Variants in EPHA2 observed in about 807,000 individuals in gnomAD.
The protein encoded by EPHA2 is EPH receptor A2.
EPHA2 carries 54 observed loss-of-function variants against 104.9 expected under a neutral mutation model. That is an observed-to-expected ratio of 0.51 (90% confidence interval 0.41 to 0.65). The LOEUF is 0.65. Ranked by LOEUF, EPHA2 falls within the 30% of genes least tolerant of loss-of-function variation. The probability of loss-of-function intolerance (pLI) is 0.00; values close to 1 mark genes in which losing one functional copy is unlikely to be tolerated. For synonymous variants in EPHA2, 560 were observed against 559.1 expected (o/e 1.00, Z -0.02); for missense variants, 1,117 against 1,369.5 (o/e 0.82, Z 2.91).
chr1:16,148,720 C>CGTGGCGTGCCTTT lies in EPHA2; in HGVS notation c.480_481insAAAGGCACGCCAC (p.Val161LysfsTer57). On this transcript the variant is annotated frameshift_variant, in exon 3 of 17. Transcript: ENST00000358432. LOFTEE classifies it high-confidence loss of function. The surrounding 1 kb of genome is among the most constrained non-coding windows in gnomAD (Gnocchi z 4.9). ...GAGCGCTCCTCCACGTTCAGCTTCA[C>CGTGGCGTGCCTTT]GTGGCGTGCCTCGAAGTCGCTGCTG... is the stretch of plus-strand genomic sequence containing the variant. The CGTGGCGTGCCTTT allele has an allele frequency of 6.2e-7, 1 of 1,613,592 alleles. No individual in the cohort carries two copies. The highest frequency in any genetic ancestry group is 8.5e-7 in the Non-Finnish European group (1 of 1,180,052).
rs1320592664 is a variant in EPHA2 at position 16,149,041 on chromosome 1, G to C, written c.160C>G (p.Leu54Val). ...LTHPYGKGWD[L>V]MQNIMNDMPI... ...ATGTCATTCATGATGTTCTGCATCA[G>C]GTCCCACTGTGGGGGGAAGATACAG... Residue 54 changes from leucine to valine, a missense_variant, in exon 3 of 17, where the codon CTG becomes GTG. By Grantham distance (32) the Leu-to-Val change is conservative. Around this residue, in one of 3 missense-constraint regions of EPHA2, gnomAD observed 664 missense variants for 784.8 expected, o/e 0.85. Coordinates refer to ENST00000358432, the MANE Select transcript of EPHA2 (RefSeq NM_004431.5). 14 of 1,612,946 alleles carry C rather than the reference G, an allele frequency of 8.7e-6. No individual in the cohort carries two copies. The highest frequency in any genetic ancestry group is 1.1e-5 in the Non-Finnish European group (13 of 1,180,036).
chr1:16,133,098 T>C, intron 11 of EPHA2, 82 bp downstream of exon 11: 1 of 1,575,110 alleles, frequency 6.3e-7, no homozygotes, highest in African/African-American at 1.4e-5. Context: ...GGCACAGGTA[T>C]AGGGGAGGTG....
In EPHA2 at chr1:16,154,163, G is replaced by A. The variant is rs772624957; in HGVS notation, c.85+1685C>T. Among the ~76,000 whole-genome samples, 39 of 152,080 alleles carry A rather than the reference G, an allele frequency of 2.6e-4. 1 individual carries two copies. Among genetic ancestry groups the A allele is most frequent in the South Asian group, 6.2e-4 (3 of 4,836 alleles). ...ATCCCCCACCCCCCCATGGGCAGCC[G>A]AGGAGAAAGGCCTATAGTGATTCCA... On this transcript the variant is annotated intron_variant, in intron 1 of 16. Coordinates refer to ENST00000358432, the MANE Select transcript of EPHA2 (RefSeq NM_004431.5).
chr1:16,148,339 G>C lies in EPHA2; in HGVS notation c.823+39C>G, dbSNP rs758773511. ...AAGCTAAAGACCAGAACCTGGGAAT[G>C]CAGAACCCCCTTCCCTGCAACCCAG... is the stretch of plus-strand genomic sequence containing the variant. On this transcript the variant is annotated intron_variant, in intron 3 of 16. Coordinates refer to ENST00000358432, the MANE Select transcript of EPHA2 (RefSeq NM_004431.5). This position sits in a 1 kb window ranked among gnomAD's most constrained non-coding sequence, Gnocchi z 4.9. 1.9e-6 allele frequency: 3 copies of C among 1,584,516 alleles called. No individual in the cohort carries two copies. In the African/African-American group the frequency reaches 4.6e-5, roughly 24 times the overall value.
intron 3 of EPHA2, among the ~76,000 whole-genome samples, chr1:16,143,077 G>GTGGA (rs1258389865): frequency 2.1e-5 from 3 of 143,288 alleles, no homozygotes; most frequent in Admixed American, 1.4e-4. Context: ...GGGGGTATGA[G>GTGGA]TGGATGGATG....
Position 16,156,039 on chromosome 1 carries a change from A to G in EPHA2, c.-107T>C. On this transcript the variant is annotated 5_prime_UTR_variant, in exon 1 of 17. Coordinates refer to ENST00000358432, the MANE Select transcript of EPHA2 (RefSeq NM_004431.5). ...GCTCCCGCCCGCCGGCCTGCGCGCA[A>G]CTTCTGCCCCTCCTGCCCCGAGTCC... The G allele has an allele frequency of 1.1e-6, 1 of 942,766 alleles. No homozygotes were observed. Among genetic ancestry groups the G allele is most frequent in the South Asian group, 2.1e-5 (1 of 48,684 alleles). The allele number at this position is 942,766 out of a possible 1,614,324, so 58.4% of individuals were successfully genotyped here.
At position 16,148,359 on chromosome 1, in the gene EPHA2, A is replaced by C. The variant is rs1387329057; in HGVS notation, c.823+19T>G. 1.9e-6 allele frequency: 3 copies of C among 1,613,212 alleles called. No homozygotes were observed. The South Asian group carries it at 3.3e-5, about 18-fold the overall frequency. Reference sequence around the variant, plus strand: ...GGAATGCAGAACCCCCTTCCCTGCAACCCAGAACCGTCACTCACCCTGGCA... The same window carrying C: ...GGAATGCAGAACCCCCTTCCCTGCACCCCAGAACCGTCACTCACCCTGGCA... On this transcript the variant is annotated intron_variant, in intron 3 of 16. Transcript: ENST00000358432. The surrounding 1 kb of genome is among the most constrained non-coding windows in gnomAD (Gnocchi z 4.9).
At chr1:16,142,383 CT>C (rs1249204581) in intron 3 of EPHA2, among the ~76,000 whole-genome samples, 2 of 152,216 alleles carry the variant, frequency 1.3e-5, no homozygotes, top group East Asian at 3.8e-4. Flanking sequence ...GTATCAGGAG[CT>C]TCCGTGAGAC....
At chr1:16,129,327 A>G (rs901190186) in intron 16 of EPHA2, 107 bp downstream of exon 16, 10 of 1,359,426 alleles carry the variant, frequency 7.4e-6, no homozygotes, top group African/African-American at 1.4e-5. Flanking sequence ...GAGAAAGAAC[A>G]AAGAGAGGAG....
In EPHA2 at chr1:16,134,692, G is replaced by T; in HGVS notation, c.1583-125C>A. The T allele has an allele frequency of 1.9e-6, 2 of 1,044,456 alleles. No individual in the cohort carries two copies. The highest frequency in any genetic ancestry group is 5.2e-5 in the East Asian group (2 of 38,634). The allele number at this position is 1,044,456 out of a possible 1,614,324, so 64.7% of individuals were successfully genotyped here. On this transcript the variant is annotated intron_variant, in intron 7 of 16. Coordinates refer to ENST00000358432, the MANE Select transcript of EPHA2 (RefSeq NM_004431.5). The surrounding 1 kb of genome is among the most constrained non-coding windows in gnomAD (Gnocchi z 4.5). ...TGCTTGCACTTGGGAAGGCTCCAGA[G>T]GGTACTTAGTCCCATTTCATAGACG...
chr1:16,132,278 C>G lies in EPHA2; in HGVS notation c.2116-5G>C, dbSNP rs372553014. 2.3e-5 allele frequency: 37 copies of G among 1,613,934 alleles called. No homozygotes were observed. The highest frequency in any genetic ancestry group is 8.5e-6 in the Non-Finnish European group (10 of 1,180,024). ...GCTGAACTCGCCATCCTTCTCCTGC[C>G]GGAGCACAGGCGCTCAGCTGCAGGC... On this transcript the variant is annotated splice_region_variant and splice_polypyrimidine_tract_variant and intron_variant, in intron 12 of 16. Coordinates refer to ENST00000358432, the MANE Select transcript of EPHA2 (RefSeq NM_004431.5).
At position 16,129,578 on chromosome 1, in the gene EPHA2, C is replaced by T. The variant is rs771918606; in HGVS notation, c.2681G>A (p.Arg894Gln). 42 of 1,610,610 alleles carry T rather than the reference C, an allele frequency of 2.6e-5. No individual in the cohort carries two copies. The highest frequency in any genetic ancestry group is 3.3e-5 in the Non-Finnish European group (39 of 1,179,578). Reference protein sequence around the residue: ...LADFDPRVSIRLPSTSGSEGV... With the variant: ...LADFDPRVSIQLPSTSGSEGV... Reference sequence around the variant, plus strand: ...CTCCGAGCCGCTCGTGCTGGGGAGCCGGATAGACACGCTGCAACAGGAAGC... The same window carrying T: ...CTCCGAGCCGCTCGTGCTGGGGAGCTGGATAGACACGCTGCAACAGGAAGC... The change falls in exon 16 of 17, where the codon CGG (arginine) becomes CAG (glutamine). Residue 894 changes from arginine (R) to glutamine (Q), a missense_variant. Arg to Gln is a conservative substitution (Grantham distance 43). Coordinates refer to ENST00000358432, the MANE Select transcript of EPHA2 (RefSeq NM_004431.5).
rs901179325 is a variant in EPHA2 at position 16,125,338 on chromosome 1, G to A, written c.2826-18C>T. Reference sequence around the variant, plus strand: ...TGATGTCGCTGTGGGCCGGGAGGGAGAGAGGGAGAGTTAGGGGCTGGAGCA... The same window carrying A: ...TGATGTCGCTGTGGGCCGGGAGGGAAAGAGGGAGAGTTAGGGGCTGGAGCA... On this transcript the variant is annotated intron_variant, in intron 16 of 16. Coordinates refer to ENST00000358432, the MANE Select transcript of EPHA2 (RefSeq NM_004431.5). This position sits in a 1 kb window ranked among gnomAD's most constrained non-coding sequence, Gnocchi z 4.9. 7.5e-6 allele frequency: 11 copies of A among 1,466,872 alleles called. No individual in the cohort carries two copies. Among genetic ancestry groups the A allele is most frequent in the Non-Finnish European group, 1.0e-5 (11 of 1,080,508 alleles). 90.9% of individuals were successfully genotyped at this position (1,466,872 alleles called of 1,614,324 possible).
intron 5 of EPHA2, among the ~76,000 whole-genome samples, chr1:16,137,203 G>C (rs575078602): frequency 6.6e-6 from 1 of 152,214 alleles, no homozygotes; most frequent in Non-Finnish European, 1.5e-5. Flanking sequence ...CTCTGGAGCA[G>C]GAGTGTCCAA....
intron 1 of EPHA2, chr1:16,155,228 C>G (rs2025131107): frequency 6.6e-6 from 1 of 152,324 alleles, no homozygotes; most frequent in Non-Finnish European, 1.5e-5. Flanking sequence ...CTCGCGGCCC[C>G]TAACCTGCCC....
chr1:16,127,820 G>GCA (rs147882457), intron 16 of EPHA2, among the ~76,000 whole-genome samples: 3 of 152,168 alleles, frequency 2.0e-5, no homozygotes, highest in South Asian at 2.1e-4. Flanking sequence ...GCACTGCAGC[G>GCA]CACACACACA....
rs2024559665 is a variant in EPHA2 at position 16,130,905 on chromosome 1, C to CTT, written c.2476-487_2476-486insAA. Among the ~76,000 whole-genome samples, 1 of 152,174 alleles carries CTT rather than the reference C, an allele frequency of 6.6e-6. No homozygotes were observed. The highest frequency in any genetic ancestry group is 2.1e-4 in the South Asian group (1 of 4,834). On this transcript the variant is annotated intron_variant, in intron 14 of 16. Coordinates refer to ENST00000358432, the MANE Select transcript of EPHA2 (RefSeq NM_004431.5). The surrounding 1 kb of genome is among the most constrained non-coding windows in gnomAD (Gnocchi z 4.5). ...TCAGCCTCCCAAAGTGCTAGGATTA[C>CTT]AGGCATGCGCCATTGCTCCCAGCTA...
intron 12 of EPHA2, 36 bp downstream of exon 12, chr1:16,132,342 C>A: frequency 6.2e-7 from 1 of 1,614,140 alleles, no homozygotes; most frequent in Admixed American, 1.7e-5. Context: ...GGCTCAATGG[C>A]CAGGCATCCC....
At position 16,148,260 on chromosome 1, in the gene EPHA2, CAG is replaced by C. The variant is rs2024968287; in HGVS notation, c.823+116_823+117del. On this transcript the variant is annotated intron_variant, in intron 3 of 16. Transcript: ENST00000358432. This position sits in a 1 kb window ranked among gnomAD's most constrained non-coding sequence, Gnocchi z 4.9. Reference sequence around the variant, plus strand: ...GGGAAGGATCTATAATTTCCACTAACAGAACTAATGTGTGTCAAAGCAGGGAT... The same window carrying C: ...GGGAAGGATCTATAATTTCCACTAACAACTAATGTGTGTCAAAGCAGGGAT... The C allele has an allele frequency of 7.7e-7, 1 of 1,294,180 alleles. No homozygotes were observed. Among genetic ancestry groups the C allele is most frequent in the African/African-American group, 1.5e-5 (1 of 68,962 alleles). 80.2% of individuals were successfully genotyped at this position (1,294,180 alleles called of 1,614,324 possible).
Sources: allele counts gnomAD v4.1 joint callset (sites outside exome capture counted in the v4.1 genomes callset), GRCh38; gene constraint gnomAD v4.1.1; regional missense constraint gnomAD v4.1.1; non-coding constraint Gnocchi (gnomAD v3.1); transcripts MANE v1.5; gene names NCBI Gene and HGNC (gene_info 2026-07-23, HGNC 2026-07-21).